IQSEC1: variants seen among roughly 807,000 people sequenced by gnomAD.
The protein encoded by IQSEC1 is IQ motif and SEC7 domain-containing protein 1.
IQSEC1 carries 31 observed loss-of-function variants against 91.0 expected under a neutral mutation model. The ratio of observed to expected loss-of-function variants is 0.34; its 90% CI spans 0.26 to 0.46. The LOEUF is 0.46. Among genes scored for constraint, IQSEC1 ranks in the 20% least tolerant of loss-of-function variants. The pLI, the probability that IQSEC1 is intolerant of heterozygous loss-of-function variation, is 1.00. For missense variants in IQSEC1, 1,388 were observed against 1,575.6 expected (o/e 0.88, Z 2.02); for synonymous variants, 699 against 662.6 (o/e 1.05, Z -0.84).
intron 1 of IQSEC1, among the ~76,000 whole-genome samples, chr3:13,192,111 G>A (rs569568143): frequency 3.6e-4 from 55 of 152,162 alleles, no homozygotes; most frequent in African/African-American, 1.3e-3. Flanking sequence ...CGAGGCGGGC[G>A]GATCACGAGG....
intron 3 of IQSEC1, among the ~76,000 whole-genome samples, chr3:12,932,375 G>A (rs1697757511): frequency 1.3e-5 from 2 of 152,210 alleles, no homozygotes; most frequent in Admixed American, 6.5e-5. Flanking sequence ...TGGATTTTAA[G>A]AGGATGTGTT....
chr3:13,110,644 C>T (rs1396944387), intron 2 of IQSEC1, among the ~76,000 whole-genome samples: 1 of 152,180 alleles, frequency 6.6e-6, no homozygotes, highest in Non-Finnish European at 1.5e-5. Context: ...CCCACCACAC[C>T]CCTTACCACC....
Position 13,214,640 on chromosome 3 carries a change from G to T in IQSEC1, c.273-50507C>A, listed in dbSNP as rs1347297091. On this transcript the variant is annotated intron_variant, in intron 1 of 15. Coordinates refer to the IQSEC1 transcript ENST00000648114. The surrounding 1 kb of genome is among the most constrained non-coding windows in gnomAD (Gnocchi z 4.5). ...GGGGCACCTCCAGGAATCCACCCTG[G>T]CAAGAGCAGGGCCACGGTGCCATCA... 6.6e-6 allele frequency among the ~76,000 whole-genome samples: 1 copy of T among 152,224 alleles called. No homozygotes were observed.
At chr3:12,913,301 C>T (rs1695744024) in intron 9 of IQSEC1, 127 bp downstream of exon 9, 1 of 999,462 alleles carries the variant, frequency 1.0e-6, no homozygotes, top group East Asian at 3.4e-5. Flanking sequence ...GTGTGAAAGA[C>T]ACCAGGCAAA....
At chr3:13,097,898 A>G (rs1705991575) in intron 2 of IQSEC1, among the ~76,000 whole-genome samples, 1 of 152,262 alleles carries the variant, frequency 6.6e-6, no homozygotes, top group Non-Finnish European at 1.5e-5. Context: ...GCTCAGTGGT[A>G]TAGGAGGTGC....
chr3:13,149,237 T>C (rs1706950012), intron 2 of IQSEC1, among the ~76,000 whole-genome samples: 1 of 152,090 alleles, frequency 6.6e-6, no homozygotes, highest in South Asian at 2.1e-4. Context: ...GTTTGACCCA[T>C]TCACAGTGGG....
chr3:13,277,328 C>T (rs758968326), intron 1 of IQSEC1, among the ~76,000 whole-genome samples: 2 of 152,122 alleles, frequency 1.3e-5, no homozygotes, highest in African/African-American at 2.4e-5. Flanking sequence ...CCAGGTGCAG[C>T]GAGCCTGAAT....
chr3:13,099,501 C>T (rs926178356), intron 2 of IQSEC1, among the ~76,000 whole-genome samples: 4 of 152,150 alleles, frequency 2.6e-5, no homozygotes, highest in African/African-American at 9.7e-5. Context: ...AGCTGGGTGT[C>T]CCCGGGTGCA....
chr3:13,087,409 C>T (rs1473297410), intron 2 of IQSEC1, among the ~76,000 whole-genome samples: 3 of 152,182 alleles, frequency 2.0e-5, no homozygotes, highest in African/African-American at 7.2e-5. Flanking sequence ...AGAGTGTGTG[C>T]AGGAGGTCTG....
intron 1 of IQSEC1, among the ~76,000 whole-genome samples, chr3:13,280,996 G>A (rs1021636070): frequency 3.9e-5 from 6 of 152,344 alleles, no homozygotes; most frequent in African/African-American, 9.6e-5. Flanking sequence ...ACGGAAGGAC[G>A]ACGTGCTCCC....
intron 1 of IQSEC1, among the ~76,000 whole-genome samples, chr3:13,266,764 C>T (rs1451978944): frequency 6.6e-6 from 1 of 152,098 alleles, no homozygotes; most frequent in African/African-American, 2.4e-5. Flanking sequence ...GAGGCCAGGA[C>T]AATTAGGGGC....
intron 2 of IQSEC1, among the ~76,000 whole-genome samples, chr3:13,099,785 C>G (rs577623828): frequency 1.3e-5 from 2 of 152,360 alleles, no homozygotes; most frequent in African/African-American, 4.8e-5. Context: ...GCCCCTACCC[C>G]CAGCTCCTCT....
Position 12,909,330 on chromosome 3 carries a change from C to G in IQSEC1, c.2521G>C (p.Asp841His), listed in dbSNP as rs749827851. Residue 841 changes from aspartate to histidine, a missense_variant, in exon 11 of 14, where the codon GAT becomes CAT. By Grantham distance (81) the Asp-to-His change is moderately conservative. This residue lies in a region of IQSEC1 where 1,059 missense variants were observed against 1,317.8 expected (regional missense o/e 0.80). Coordinates refer to ENST00000613206, the MANE Select transcript of IQSEC1 (RefSeq NM_001134382.3). The surrounding 1 kb of genome is among the most constrained non-coding windows in gnomAD (Gnocchi z 4.9). ...PNPQDRKKFT[D>H]DLRESIAEVQ... ...TCCGCAATGGACTCCCGCAGGTCAT[C>G]GGTGAATTTCTTCCGGTCTTGAGGG... The G allele has an allele frequency of 1.2e-6, 2 of 1,614,090 alleles. No individual in the cohort carries two copies. Among genetic ancestry groups the G allele is most frequent in the South Asian group, 1.1e-5 (1 of 91,084 alleles).
In IQSEC1 at chr3:13,073,237, C is replaced by G. The variant is rs1459128286; in HGVS notation, c.-223G>C. The G allele has an allele frequency of 1.7e-5, 10 of 597,852 alleles. No individual in the cohort carries two copies. In the East Asian group the frequency reaches 2.9e-4, roughly 17 times the overall value. The allele number at this position is 597,852 out of a possible 1,614,324, so 37.0% of individuals were successfully genotyped here. A position where few individuals can be genotyped will look rare whatever the true frequency, so the allele number is the denominator to read the frequency against. On this transcript the variant is annotated 5_prime_UTR_variant, in exon 1 of 14. Transcript: ENST00000613206. ...GTGGAGGGCCCTGGCACGTAGCGCG[C>G]GCTCACACCGTGCCCAGGAGCGAGC...
chr3:13,266,147 G>A (rs1695486482), intron 1 of IQSEC1, among the ~76,000 whole-genome samples: 1 of 152,106 alleles, frequency 6.6e-6, no homozygotes, highest in Non-Finnish European at 1.5e-5. Flanking sequence ...TTTTCCATAT[G>A]AGGAAACACT....
chr3:13,260,893 T>G (rs1404836415), intron 1 of IQSEC1, among the ~76,000 whole-genome samples: 2 of 152,102 alleles, frequency 1.3e-5, no homozygotes, highest in Non-Finnish European at 2.9e-5. Context: ...ATGGTGCATA[T>G]GAGGAGTCCC....
chr3:13,017,607 G>A (rs1297117228), intron 1 of IQSEC1, among the ~76,000 whole-genome samples: 1 of 152,196 alleles, frequency 6.6e-6, no homozygotes, highest in East Asian at 1.9e-4. Context: ...CAGGGTGGGC[G>A]CTAGCTGGCT....
chr3:13,105,388 G>A (rs1268211010), intron 2 of IQSEC1, among the ~76,000 whole-genome samples: 1 of 152,148 alleles, frequency 6.6e-6, no homozygotes, highest in Non-Finnish European at 1.5e-5. Flanking sequence ...TGTCCTCTGG[G>A]ATGGCCAGCA....
intron 1 of IQSEC1, among the ~76,000 whole-genome samples, chr3:13,166,351 G>T (rs1336718887): frequency 1.3e-5 from 2 of 152,214 alleles, no homozygotes; most frequent in Admixed American, 1.3e-4. Flanking sequence ...CAAGGGTAAG[G>T]GTTTTGTCAC....
Sources: allele counts gnomAD v4.1 joint callset (sites outside exome capture counted in the v4.1 genomes callset), GRCh38; gene constraint gnomAD v4.1.1; regional missense constraint gnomAD v4.1.1; non-coding constraint Gnocchi (gnomAD v3.1); transcripts MANE v1.5; gene names NCBI Gene and HGNC (gene_info 2026-07-23, HGNC 2026-07-21).